Variants in CSGALNACT1 observed in about 807,000 individuals in gnomAD.
CSGALNACT1 encodes beta4GalNAcT-1.
In CSGALNACT1, 52 loss-of-function variants were observed where a neutral mutation model predicts 51.0. The observed-to-expected ratio is 1.02, with a 90% confidence interval of 0.82 to 1.29. The LOEUF is 1.29. CSGALNACT1 is among the 50% of genes most tolerant of loss of function. CSGALNACT1 has a pLI of 0.00. For missense variants in CSGALNACT1, 935 were observed against 679.2 expected (o/e 1.38, Z -4.19); for synonymous variants, 341 against 254.4 (o/e 1.34, Z -3.24).
intron 3 of CSGALNACT1, among the ~76,000 whole-genome samples, chr8:19,510,990 C>T (rs943802124): frequency 1.3e-5 from 2 of 152,190 alleles, no homozygotes; most frequent in Admixed American, 6.5e-5. Flanking sequence ...GTTTTGGTCA[C>T]GAGAGCTGTG....
intron 1 of CSGALNACT1, among the ~76,000 whole-genome samples, chr8:19,719,327 C>T (rs571605144): frequency 5.4e-4 from 82 of 152,294 alleles, no homozygotes; most frequent in African/African-American, 1.9e-3. Flanking sequence ...CACAGACTCC[C>T]TGTACTCCCT....
intron 4 of CSGALNACT1, among the ~76,000 whole-genome samples, chr8:19,471,180 C>T (rs942971197): frequency 1.3e-5 from 2 of 151,964 alleles, no homozygotes; most frequent in Non-Finnish European, 2.9e-5. Context: ...CACACTCCAC[C>T]GGAAAAGGGA....
chr8:19,445,273 C>T (rs1049095954), intron 5 of CSGALNACT1, among the ~76,000 whole-genome samples: 1 of 152,166 alleles, frequency 6.6e-6, no homozygotes, highest in Non-Finnish European at 1.5e-5. Context: ...CACACAGGGC[C>T]AAGTGCCAGA....
intron 1 of CSGALNACT1, among the ~76,000 whole-genome samples, chr8:19,691,199 T>C (rs1356200907): frequency 6.6e-6 from 1 of 151,926 alleles, no homozygotes; most frequent in South Asian, 2.1e-4. Context: ...TAGGTCTGAG[T>C]GTGGGGGTAA....
intron 3 of CSGALNACT1, chr8:19,587,725 C>G (rs1202799270): frequency 6.6e-6 from 1 of 152,200 alleles, no homozygotes; most frequent in Non-Finnish European, 1.5e-5. Context: ...ACAAGAGAAA[C>G]TGGTACTCTC....
intron 1 of CSGALNACT1, among the ~76,000 whole-genome samples, chr8:19,613,795 G>A (rs189982546): frequency 9.1e-4 from 138 of 152,248 alleles, no homozygotes; most frequent in African/African-American, 2.9e-3. Context: ...AATTATGACC[G>A]TAGCTTTTTC....
intron 1 of CSGALNACT1, among the ~76,000 whole-genome samples, chr8:19,616,135 G>A (rs951897758): frequency 2.0e-5 from 3 of 152,144 alleles, no homozygotes; most frequent in Non-Finnish European, 2.9e-5. Context: ...AAAGAGGAAA[G>A]GCACAAGATG....
chr8:19,428,817 G>T (rs1044540768), intron 6 of CSGALNACT1, among the ~76,000 whole-genome samples: 4 of 144,006 alleles, frequency 2.8e-5, no homozygotes, highest in Non-Finnish European at 3.0e-5. Flanking sequence ...TCTCACATAA[G>T]ACATGATATG....
chr8:19,420,267 C>G, intron 7 of CSGALNACT1, 73 bp downstream of exon 6: 1 of 1,340,920 alleles, frequency 7.5e-7, no homozygotes, highest in South Asian at 1.2e-5. Flanking sequence ...GAGTGACTGA[C>G]CCATCAAGAG....
At chr8:19,450,593 C>T (rs953165895) in intron 5 of CSGALNACT1, among the ~76,000 whole-genome samples, 1 of 152,050 alleles carries the variant, frequency 6.6e-6, no homozygotes, top group South Asian at 2.1e-4. Flanking sequence ...CATTTGATTT[C>T]CACAAACAAA....
intron 2 of CSGALNACT1, among the ~76,000 whole-genome samples, chr8:19,597,529 C>T (rs2049219853): frequency 6.6e-6 from 1 of 151,984 alleles, no homozygotes; most frequent in Non-Finnish European, 1.5e-5. Flanking sequence ...TGGCCTTGAA[C>T]TCCTGAGCTC....
chr8:19,670,468 A>G (rs949504827), intron 1 of CSGALNACT1, among the ~76,000 whole-genome samples: 1 of 152,132 alleles, frequency 6.6e-6, no homozygotes, highest in Admixed American at 6.5e-5. Flanking sequence ...CATTAAATAT[A>G]TATGTACATA....
intron 6 of CSGALNACT1, among the ~76,000 whole-genome samples, chr8:19,435,291 G>A (rs1193994644): frequency 1.3e-5 from 2 of 152,182 alleles, no homozygotes; most frequent in African/African-American, 2.4e-5. Flanking sequence ...TCAAGAGATC[G>A]AGACCATCCT....
At chr8:19,478,286 C>T (rs1438270443) in intron 4 of CSGALNACT1, among the ~76,000 whole-genome samples, 2 of 151,950 alleles carry the variant, frequency 1.3e-5, no homozygotes, top group Admixed American at 6.6e-5. Flanking sequence ...TGGTGGCGGG[C>T]ACCTGTAGTC....
chr8:19,681,195 C>T (rs1218556872), intron 1 of CSGALNACT1, among the ~76,000 whole-genome samples: 2 of 152,210 alleles, frequency 1.3e-5, no homozygotes, highest in South Asian at 2.1e-4. Flanking sequence ...CTGCAGAGCC[C>T]CCACTGCCCC....
At chr8:19,445,135 T>C (rs977599192) in intron 5 of CSGALNACT1, among the ~76,000 whole-genome samples, 2 of 152,188 alleles carry the variant, frequency 1.3e-5, no homozygotes, top group Non-Finnish European at 2.9e-5. Context: ...GAGCTCCCAC[T>C]TAGCCACAGT....
chr8:19,711,471 T>A (rs147639716), intron 1 of CSGALNACT1, among the ~76,000 whole-genome samples: 1 of 152,282 alleles, frequency 6.6e-6, no homozygotes, highest in East Asian at 1.9e-4. Context: ...ATTAATGTAT[T>A]TCAACAGCGT....
At chr8:19,471,389 T>C (rs2068134050) in intron 4 of CSGALNACT1, among the ~76,000 whole-genome samples, 1 of 152,068 alleles carries the variant, frequency 6.6e-6, no homozygotes, top group Admixed American at 6.5e-5. Context: ...CCTGTCTTCT[T>C]TTGCTCTCTT....
intron 3 of CSGALNACT1, among the ~76,000 whole-genome samples, chr8:19,512,959 A>T (rs1359341757): frequency 6.6e-6 from 1 of 152,208 alleles, no homozygotes; most frequent in Non-Finnish European, 1.5e-5. Context: ...GATGAAGCAC[A>T]GCAGCTCTGC....
Sources: gnomAD v4.1 joint callset for allele counts (sites outside exome capture counted in the v4.1 genomes callset) on GRCh38, gnomAD v4.1.1 for gene constraint, MANE v1.5 for transcripts, NCBI Gene and HGNC (gene_info 2026-07-23, HGNC 2026-07-21) for gene names.